LPAR1: variants seen among roughly 807,000 people sequenced by gnomAD.
LPAR1 encodes the protein LPA receptor 1.
LPAR1 carries 5 observed loss-of-function variants against 23.8 expected under a neutral mutation model. That is an observed-to-expected ratio of 0.21 (90% confidence interval 0.11 to 0.44). The LOEUF (loss-of-function observed/expected upper bound fraction) is 0.44. Ranked by LOEUF, LPAR1 falls within the 20% of genes least tolerant of loss-of-function variation. The probability of loss-of-function intolerance (pLI) is 0.99; values close to 1 mark genes in which losing one functional copy is unlikely to be tolerated. For synonymous variants in LPAR1, 160 were observed against 164.7 expected (o/e 0.97, Z 0.22); for missense variants, 311 against 482.8 (o/e 0.64, Z 3.33).
intron 5 of LPAR1, among the ~76,000 whole-genome samples, chr9:110,889,811 A>G (rs2083522703): frequency 2.0e-5 from 3 of 152,214 alleles, no homozygotes; most frequent in Non-Finnish European, 2.9e-5. Context: ...GTTATATCCA[A>G]ATGGAATATC....
intron 5 of LPAR1, among the ~76,000 whole-genome samples, chr9:110,889,767 T>G (rs2083506602): frequency 6.6e-6 from 1 of 152,232 alleles, no homozygotes. Flanking sequence ...TTGGTTCTAG[T>G]AATACAAATC....
intron 2 of LPAR1, among the ~76,000 whole-genome samples, chr9:110,991,484 A>C (rs886218886): frequency 3.9e-5 from 6 of 152,154 alleles, no homozygotes; most frequent in Admixed American, 3.3e-4. Context: ...TCTTGCACCC[A>C]AACTTTGATG....
chr9:110,886,567 T>C (rs1349182805), intron 5 of LPAR1, among the ~76,000 whole-genome samples: 2 of 152,136 alleles, frequency 1.3e-5, no homozygotes, highest in Non-Finnish European at 2.9e-5. Context: ...ACACATAACA[T>C]GCATGCACTA....
intron 4 of LPAR1, 110 bp downstream of exon 4, chr9:110,971,963 G>C (rs2096438121): frequency 1.1e-6 from 1 of 907,676 alleles, no homozygotes; most frequent in African/African-American, 1.6e-5. Context: ...CCAAATGATA[G>C]CGAGAGAGAT....
intron 2 of LPAR1, among the ~76,000 whole-genome samples, chr9:110,998,297 C>T (rs2097058650): frequency 6.6e-6 from 1 of 152,094 alleles, no homozygotes; most frequent in Admixed American, 6.6e-5. Flanking sequence ...GTTTTAAGTG[C>T]TTTTAATACC....
At chr9:110,903,202 G>A (rs752439823) in intron 5 of LPAR1, 2 of 152,024 alleles carry the variant, frequency 1.3e-5, no homozygotes, top group Admixed American at 6.6e-5. Flanking sequence ...TGAAACAGAA[G>A]AAGAACTTAT....
intron 2 of LPAR1, among the ~76,000 whole-genome samples, chr9:110,985,918 A>G (rs892872584): frequency 2.0e-5 from 3 of 152,078 alleles, no homozygotes; most frequent in Non-Finnish European, 4.4e-5. Context: ...TGAGTTGGAG[A>G]AAATTGAGCT....
intron 4 of LPAR1, among the ~76,000 whole-genome samples, chr9:110,949,479 C>T (rs2095501070): frequency 6.6e-6 from 1 of 152,200 alleles, no homozygotes; most frequent in African/African-American, 2.4e-5. Context: ...GACTAGAAGT[C>T]TGAAGGTAAT....
chr9:110,954,874 T>C (rs2095686405), intron 4 of LPAR1, among the ~76,000 whole-genome samples: 1 of 152,070 alleles, frequency 6.6e-6, no homozygotes, highest in African/African-American at 2.4e-5. Context: ...CACTTGGAAG[T>C]GACAGGATAA....
chr9:110,923,075 G>A (rs1202022058), intron 5 of LPAR1, among the ~76,000 whole-genome samples: 1 of 151,802 alleles, frequency 6.6e-6, no homozygotes, highest in Non-Finnish European at 1.5e-5. Context: ...TCAATACAAA[G>A]GAGACTTGCC....
At chr9:111,031,489 C>A (rs1484020658) in intron 2 of LPAR1, among the ~76,000 whole-genome samples, 1 of 151,170 alleles carries the variant, frequency 6.6e-6, no homozygotes, top group Non-Finnish European at 1.5e-5. Context: ...CACACACCTG[C>A]GGTCCCAGCT....
intron 5 of LPAR1, among the ~76,000 whole-genome samples, chr9:110,913,680 C>G (rs1588287064): frequency 1.3e-5 from 2 of 151,946 alleles, no homozygotes; most frequent in South Asian, 4.2e-4. Flanking sequence ...TGGAACAAAC[C>G]AAGTGAAGTG....
intron 2 of LPAR1, among the ~76,000 whole-genome samples, chr9:110,994,392 T>C (rs2096955259): frequency 6.6e-6 from 1 of 152,184 alleles, no homozygotes; most frequent in African/African-American, 2.4e-5. Flanking sequence ...AGGATATTGT[T>C]GTGACAATAT....
chr9:110,997,093 A>G (rs1260544295), intron 2 of LPAR1, among the ~76,000 whole-genome samples: 3 of 152,164 alleles, frequency 2.0e-5, no homozygotes, highest in Admixed American at 1.3e-4. Context: ...GGAAACATTA[A>G]CTCTTTCACA....
intron 5 of LPAR1, among the ~76,000 whole-genome samples, chr9:110,886,420 GAAAAAA>G (rs5899920): frequency 3.4e-5 from 4 of 117,168 alleles, no homozygotes; most frequent in African/African-American, 1.4e-4. Flanking sequence ...ATAACCAAAG[GAAAAAA>G]AAAAAAAAAA....
At chr9:110,966,763 A>T (rs2137797066) in intron 4 of LPAR1, among the ~76,000 whole-genome samples, 1 of 152,294 alleles carries the variant, frequency 6.6e-6, no homozygotes, top group African/African-American at 2.4e-5. Context: ...GTGAGACCTG[A>T]ATATCTTTTA....
chr9:110,943,214 ATTC>A (rs1327182723), intron 4 of LPAR1, among the ~76,000 whole-genome samples: 3 of 150,568 alleles, frequency 2.0e-5, no homozygotes, highest in African/African-American at 7.3e-5. Flanking sequence ...AGAGTAAGTC[ATTC>A]TTCTTGAAGC....
chr9:111,023,667 C>G (rs187148516), intron 2 of LPAR1, among the ~76,000 whole-genome samples: 1 of 152,212 alleles, frequency 6.6e-6, no homozygotes, highest in African/African-American at 2.4e-5. Context: ...AATGAATGAA[C>G]CTGATTTTAG....
At chr9:110,963,929 A>G (rs1212474820) in intron 4 of LPAR1, among the ~76,000 whole-genome samples, 1 of 152,280 alleles carries the variant, frequency 6.6e-6, no homozygotes, top group Non-Finnish European at 1.5e-5. Flanking sequence ...GTCTACGCCC[A>G]TGCATTACCT....
Sources: gnomAD v4.1 joint callset for allele counts (sites outside exome capture counted in the v4.1 genomes callset) on GRCh38, gnomAD v4.1.1 for gene constraint, MANE v1.5 for transcripts, NCBI Gene and HGNC (gene_info 2026-07-23, HGNC 2026-07-21) for gene names.